ZNF804B: variants seen among roughly 807,000 people sequenced by gnomAD.
ZNF804B encodes the protein zinc finger protein 804B, also known as zinc finger 804B.
A neutral mutation model predicts 101.4 loss-of-function variants in ZNF804B; 80 were observed. The ratio of observed to expected loss-of-function variants is 0.79; its 90% confidence interval spans 0.66 to 0.95. ZNF804B has a LOEUF of 0.95. Ranked by LOEUF, ZNF804B falls within the 40% of genes least tolerant of loss-of-function variation. ZNF804B has a pLI of 0.00. For synonymous variants in ZNF804B, 622 were observed against 558.8 expected (o/e 1.11, Z -1.59); for missense variants, 1,673 against 1,561.9 (o/e 1.07, Z -1.20).
At chr7:88,966,572 A>G (rs761648863) in intron 1 of ZNF804B, among the ~76,000 whole-genome samples, 9 of 151,550 alleles carry the variant, frequency 5.9e-5, no homozygotes, top group African/African-American at 1.9e-4. Context: ...GCACTCTAAC[A>G]TATGTGTTAT....
intron 1 of ZNF804B, among the ~76,000 whole-genome samples, chr7:89,116,935 C>G (rs1473358944): frequency 6.6e-6 from 1 of 152,030 alleles, no homozygotes; most frequent in African/African-American, 2.4e-5. Context: ...GAGATGTTAT[C>G]CTGATTATCT....
At chr7:88,975,741 T>C (rs1793607569) in intron 1 of ZNF804B, among the ~76,000 whole-genome samples, 1 of 151,676 alleles carries the variant, frequency 6.6e-6, no homozygotes, top group Non-Finnish European at 1.5e-5. Context: ...ATTTTGTTGA[T>C]TGTTTCCTTT....
intron 1 of ZNF804B, among the ~76,000 whole-genome samples, chr7:88,926,550 C>T (rs986609174): frequency 1.3e-5 from 2 of 151,782 alleles, no homozygotes; most frequent in Non-Finnish European, 2.9e-5. Flanking sequence ...GGAGGTTACA[C>T]TGAGCCGAGA....
At chr7:89,289,368 C>CA (rs140542777) in intron 2 of ZNF804B, among the ~76,000 whole-genome samples, 4,224 of 151,642 alleles carry the variant, frequency 0.028, 106 homozygotes, top group Middle Eastern at 0.066. Flanking sequence ...CAAACAACAA[C>CA]AACAAAAAAC....
chr7:89,253,392 A>G (rs1283688098), intron 2 of ZNF804B, among the ~76,000 whole-genome samples: 1 of 152,182 alleles, frequency 6.6e-6, no homozygotes, highest in Non-Finnish European at 1.5e-5. Context: ...ATTAATATGA[A>G]AGACAATATA....
At position 88,854,517 on chromosome 7, in the gene ZNF804B, CT is replaced by C. The variant is rs1281006903; in HGVS notation, c.108+94436del. Among the ~76,000 whole-genome samples, 214 of 61,978 alleles carry C rather than the reference CT, an allele frequency of 3.5e-3. 6 individuals carry two copies. The highest frequency in any genetic ancestry group is 0.015 in the African/African-American group (173 of 11,676). 40.7% of individuals were successfully genotyped at this position (61,978 alleles called of 152,430 possible). A position where few individuals can be genotyped will look rare whatever the true frequency, so the allele number is the denominator to read the frequency against. On this transcript the variant is annotated intron_variant, in intron 1 of 3. Transcript: ENST00000333190. Reference sequence around the variant, plus strand: ...CTTTCCTTTCCTTTCCTTTCCTTTCCTTTCCTTCCTTTCCTTCCTTCCTTCC... The same window carrying C: ...CTTTCCTTTCCTTTCCTTTCCTTTCCTTCCTTCCTTTCCTTCCTTCCTTCC...
chr7:89,296,020 C>T (rs150137218), intron 2 of ZNF804B, among the ~76,000 whole-genome samples: 10 of 151,980 alleles, frequency 6.6e-5, no homozygotes, highest in East Asian at 1.9e-4. Flanking sequence ...GAAGAGGGAA[C>T]GGATAAAAAA....
chr7:89,337,655 C>T lies in ZNF804B; in HGVS notation c.*623C>T, dbSNP rs1791123805. ...TGAGTTTCTGTGAAAAATAAATTAT[C>T]TTCATTTCACACAAATCTATGTCAA... On this transcript the variant is annotated 3_prime_UTR_variant, in exon 4 of 4. Transcript: ENST00000333190. 6.6e-6 allele frequency among the ~76,000 whole-genome samples: 1 copy of T among 152,012 alleles called. No individual in the cohort carries two copies. The highest frequency in any genetic ancestry group is 2.1e-4 in the South Asian group (1 of 4,818).
intron 2 of ZNF804B, among the ~76,000 whole-genome samples, chr7:89,320,687 G>A (rs575772186): frequency 5.9e-5 from 9 of 151,988 alleles, no homozygotes; most frequent in African/African-American, 1.9e-4. Context: ...ATCCCTAAAA[G>A]GACAGATATA....
chr7:89,239,687 G>A (rs570367924), intron 2 of ZNF804B, among the ~76,000 whole-genome samples: 1 of 152,120 alleles, frequency 6.6e-6, no homozygotes, highest in African/African-American at 2.4e-5. Flanking sequence ...GTTCCCATAT[G>A]TAGATTAGTT....
chr7:89,058,965 AT>A (rs5885653), intron 1 of ZNF804B, among the ~76,000 whole-genome samples: 152,274 of 152,274 alleles, frequency 1, 76,137 homozygotes, highest in Non-Finnish European at 1. Context: ...AAGTGCTAGG[AT>A]TTACAGGTGT....
In ZNF804B at chr7:88,854,721, A is replaced by G. The variant is rs569212698; in HGVS notation, c.108+94637A>G. On this transcript the variant is annotated intron_variant, in intron 1 of 3. Coordinates refer to ENST00000333190, the MANE Select transcript of ZNF804B (RefSeq NM_181646.5). ...TGCACCCATTAACTCATCATTTAAC[A>G]TTAGGTATATCTCCTAATACTATCC... 3.4e-5 allele frequency among the ~76,000 whole-genome samples: 5 copies of G among 148,926 alleles called. 1 individual carries two copies. The South Asian group carries it at 1.1e-3, about 32-fold the overall frequency.
At chr7:89,278,135 G>A (rs1160981177) in intron 2 of ZNF804B, among the ~76,000 whole-genome samples, 2 of 152,178 alleles carry the variant, frequency 1.3e-5, no homozygotes, top group Non-Finnish European at 2.9e-5. Context: ...TTTCTTGGCT[G>A]CATAAATGTC....
At chr7:88,781,633 T>C (rs151145446) in intron 1 of ZNF804B, among the ~76,000 whole-genome samples, 19 of 152,338 alleles carry the variant, frequency 1.2e-4, no homozygotes, top group African/African-American at 4.6e-4. Flanking sequence ...TCTTATATCA[T>C]TTATTTTATT....
intron 1 of ZNF804B, among the ~76,000 whole-genome samples, chr7:89,006,702 T>C (rs1788372836): frequency 2.0e-5 from 3 of 152,156 alleles, no homozygotes; most frequent in Admixed American, 6.6e-5. Context: ...TTCTAATAAA[T>C]AGTTCTCTCA....
chr7:88,936,834 A>G (rs1007345018), intron 1 of ZNF804B, among the ~76,000 whole-genome samples: 1 of 152,070 alleles, frequency 6.6e-6, no homozygotes, highest in African/African-American at 2.4e-5. Flanking sequence ...GCTGTTTCTA[A>G]GGTCTTTTAA....
At chr7:88,793,529 A>G (rs1790418104) in intron 1 of ZNF804B, among the ~76,000 whole-genome samples, 1 of 152,036 alleles carries the variant, frequency 6.6e-6, no homozygotes, top group African/African-American at 2.4e-5. Flanking sequence ...TAGCTTTATA[A>G]TGGTCTCAAT....
intron 1 of ZNF804B, among the ~76,000 whole-genome samples, chr7:88,892,623 G>A (rs1460999730): frequency 6.6e-6 from 1 of 152,068 alleles, no homozygotes; most frequent in Non-Finnish European, 1.5e-5. Context: ...TTCCTAAAAA[G>A]GCAAATTCAC....
intron 1 of ZNF804B, among the ~76,000 whole-genome samples, chr7:89,096,108 T>A (rs1227237464): frequency 6.8e-6 from 1 of 146,134 alleles, no homozygotes; most frequent in Non-Finnish European, 1.5e-5. Flanking sequence ...TGAGTGGAGA[T>A]CACGCCACTG....
Sources: gnomAD v4.1 joint callset for allele counts (sites outside exome capture counted in the v4.1 genomes callset) on GRCh38, gnomAD v4.1.1 for gene constraint, MANE v1.5 for transcripts, NCBI Gene and HGNC (gene_info 2026-07-23, HGNC 2026-07-21) for gene names.